DPYD: variants seen among roughly 807,000 people sequenced by gnomAD.
DPYD encodes the protein dihydropyrimidine dehydrogenase [NADP(+)].
In DPYD, 109 loss-of-function variants were observed where a neutral mutation model predicts 116.2. The observed-to-expected ratio is 0.94, with a 90% confidence interval of 0.80 to 1.10. The LOEUF (loss-of-function observed/expected upper bound fraction) is 1.10. DPYD is among the 50% of genes least tolerant of loss of function. DPYD has a pLI of 0.00. For synonymous variants in DPYD, 440 were observed against 432.0 expected, an observed-to-expected ratio of 1.02 and a Z score of -0.23; for missense variants, 1,302 against 1,254.5, an observed-to-expected ratio of 1.04 and a Z score of -0.57.
intron 19 of DPYD, among the ~76,000 whole-genome samples, chr1:97,219,722 C>T (rs1191620454): frequency 6.6e-6 from 1 of 152,180 alleles, no homozygotes; most frequent in Non-Finnish European, 1.5e-5. Context: ...GCCTACTGAG[C>T]ATTCACTCCA....
At position 97,549,735 on chromosome 1, in the gene DPYD, G is replaced by T. The variant is rs72975710; in HGVS notation, c.1349C>A (p.Ala450Asp). 3 of 1,613,396 alleles carry T rather than the reference G, an allele frequency of 1.9e-6. No individual in the cohort carries two copies. Among genetic ancestry groups the T allele is most frequent in the African/African-American group, 2.7e-5 (2 of 74,980 alleles). The change falls in exon 12 of 23, where the codon GCC becomes GAC. Residue 450 changes from alanine to aspartate, a missense_variant. Coordinates refer to ENST00000370192, the MANE Select transcript of DPYD (RefSeq NM_000110.4). ...TCTGTTAAATTTTATAGGGCTCAAG[G>T]CTTCTTTTACTGAAAAAACAAGTGA... ...SVLSDPKVKEALSPIKFNRWG... is the reference protein window; with the variant it reads ...SVLSDPKVKEDLSPIKFNRWG...
At chr1:97,551,168 C>T (rs113240638) in intron 11 of DPYD, among the ~76,000 whole-genome samples, 2,263 of 152,218 alleles carry the variant, frequency 0.015, 58 homozygotes, top group African/African-American at 0.051. Flanking sequence ...AAATCTTCTA[C>T]TGTTTCTATT....
chr1:97,303,722 C>CT (rs1666992663), intron 18 of DPYD, among the ~76,000 whole-genome samples: 1 of 151,956 alleles, frequency 6.6e-6, no homozygotes, highest in South Asian at 2.1e-4. Flanking sequence ...AATATAGAAC[C>CT]TATTAGAAAT....
chr1:97,227,189 G>GT (rs1661228855), intron 19 of DPYD, among the ~76,000 whole-genome samples: 1 of 151,726 alleles, frequency 6.6e-6, no homozygotes, highest in Admixed American at 6.6e-5. Flanking sequence ...GCTGGATGTG[G>GT]TGGCACGCAC....
rs140753214 is a variant in DPYD, at chr1:97,542,270, G to A, written c.1524+7290C>T. Among the ~76,000 whole-genome samples, 13 of 152,230 alleles carry A rather than the reference G, an allele frequency of 8.5e-5. No individual in the cohort carries two copies. The East Asian group carries it at 2.1e-3, about 25-fold the overall frequency. ...TTTGGTGAAATAAAAAGGAGTTGCT[G>A]CACAGTGCAAAACTTATGGACCAAA... is the stretch of plus-strand genomic sequence containing the variant. On this transcript the variant is annotated intron_variant, in intron 12 of 22. Transcript: ENST00000370192.
rs1033604903 is a variant in DPYD, at chr1:97,141,365, C to A, written c.2623-42733G>T. Among the ~76,000 whole-genome samples the A allele has an allele frequency of 1.5e-4, 23 of 152,090 alleles. 1 individual carries two copies. In the East Asian group the frequency reaches 3.1e-3, roughly 20 times the overall value. ...CCCTGACTTTGTCTCTTATTACTCC[C>A]CCTATCTACTCTACTCCAGACACCC... On this transcript the variant is annotated intron_variant, in intron 20 of 22. Coordinates refer to ENST00000370192, the MANE Select transcript of DPYD (RefSeq NM_000110.4).
In DPYD at chr1:97,186,184, A is replaced by G. The variant is rs184848088; in HGVS notation, c.2622+6885T>C. On this transcript the variant is annotated intron_variant, in intron 20 of 22. Transcript: ENST00000370192. ...AAAAAATAGATAATTAGACATCTAC[A>G]TATAATATTACCACAACCAAATAGC... 5.3e-5 allele frequency among the ~76,000 whole-genome samples: 8 copies of G among 152,324 alleles called. 1 individual carries two copies. The highest frequency in any genetic ancestry group is 3.9e-4 in the Admixed American group (6 of 15,300).
At chr1:97,480,268 G>A (rs1002562295) in intron 13 of DPYD, among the ~76,000 whole-genome samples, 2 of 152,100 alleles carry the variant, frequency 1.3e-5, no homozygotes, top group African/African-American at 2.4e-5. Context: ...ATGCCACATG[G>A]AGAGTGGCAT....
intron 8 of DPYD, among the ~76,000 whole-genome samples, chr1:97,618,292 C>CA (rs71801601): frequency 5.3e-5 from 8 of 149,794 alleles, no homozygotes; most frequent in South Asian, 2.1e-4. Flanking sequence ...CAGAAATTGA[C>CA]AAAAAAAATC....
At chr1:97,614,288 T>G (rs1181578280) in intron 8 of DPYD, among the ~76,000 whole-genome samples, 1 of 152,078 alleles carries the variant, frequency 6.6e-6, no homozygotes, top group Non-Finnish European at 1.5e-5. Flanking sequence ...GTTAGAGACT[T>G]GAGCTAGAAG....
rs1672326548 is a variant in DPYD, at chr1:97,883,400, A to C, written c.40-26T>G. 3 of 1,392,538 alleles carry C rather than the reference A, an allele frequency of 2.2e-6. No homozygotes were observed. The African/African-American group carries it at 4.2e-5, about 20-fold the overall frequency. 86.3% of individuals were successfully genotyped at this position (1,392,538 alleles called of 1,614,324 possible). A position where few individuals can be genotyped will look rare whatever the true frequency, so the allele number is the denominator to read the frequency against. Reference sequence around the variant, plus strand: ...CTAAAGACAGCATAAACAATGTGTAAATATATGGAAATATGTTGGCATTTG... The same window carrying C: ...CTAAAGACAGCATAAACAATGTGTACATATATGGAAATATGTTGGCATTTG... On this transcript the variant is annotated intron_variant, in intron 1 of 22. Transcript: ENST00000370192.
chr1:97,619,892 A>T (rs2100767860), intron 8 of DPYD, among the ~76,000 whole-genome samples: 2 of 152,316 alleles, frequency 1.3e-5, no homozygotes, highest in African/African-American at 4.8e-5. Flanking sequence ...GTTGAAAAAT[A>T]GATTTGAGGA....
At chr1:97,487,075 C>T (rs965123362) in intron 13 of DPYD, among the ~76,000 whole-genome samples, 2 of 151,924 alleles carry the variant, frequency 1.3e-5, no homozygotes, top group Admixed American at 1.3e-4. Flanking sequence ...AAATAAAATG[C>T]TAAAACGATT....
At chr1:97,760,468 A>G (rs1360215646) in intron 3 of DPYD, among the ~76,000 whole-genome samples, 1 of 152,186 alleles carries the variant, frequency 6.6e-6, no homozygotes, top group Non-Finnish European at 1.5e-5. Flanking sequence ...ATTTTAAGAT[A>G]CAGTATAGCT....
In DPYD at chr1:97,549,455, C is replaced by T. The variant is rs1651149040; in HGVS notation, c.1524+105G>A. 5.0e-6 allele frequency: 6 copies of T among 1,201,264 alleles called. 1 individual carries two copies. The highest frequency in any genetic ancestry group is 7.3e-6 in the Non-Finnish European group (6 of 819,030). 74.4% of individuals were successfully genotyped at this position (1,201,264 alleles called of 1,614,324 possible). A position where few individuals can be genotyped will look rare whatever the true frequency, so the allele number is the denominator to read the frequency against. On this transcript the variant is annotated intron_variant, in intron 12 of 22. Coordinates refer to ENST00000370192, the MANE Select transcript of DPYD (RefSeq NM_000110.4). ...ATGTACGTGACATATTGTATATATG[C>T]TTATTATATACCAAATAGAAATGCT...
chr1:97,156,533 C>T (rs1655472352), intron 20 of DPYD, among the ~76,000 whole-genome samples: 1 of 151,966 alleles, frequency 6.6e-6, no homozygotes, highest in Admixed American at 6.6e-5. Context: ...CCATCACTGG[C>T]CATCGGAGAA....
intron 18 of DPYD, among the ~76,000 whole-genome samples, chr1:97,278,530 A>C (rs1158866298): frequency 6.6e-6 from 1 of 152,242 alleles, no homozygotes; most frequent in Non-Finnish European, 1.5e-5. Context: ...AGATTTAAAA[A>C]GTCACAGATC....
intron 8 of DPYD, among the ~76,000 whole-genome samples, chr1:97,636,980 T>C (rs113972207): frequency 6.6e-6 from 1 of 151,876 alleles, no homozygotes; most frequent in African/African-American, 2.4e-5. Context: ...GTCCCCAGAG[T>C]TGGTATAAGA....
At chr1:97,180,388 G>A (rs946929231) in intron 20 of DPYD, among the ~76,000 whole-genome samples, 3 of 152,008 alleles carry the variant, frequency 2.0e-5, no homozygotes, top group Non-Finnish European at 4.4e-5. Flanking sequence ...AGAGTATCAG[G>A]GGCATAGCTC....
Sources: allele counts gnomAD v4.1 joint callset (sites outside exome capture counted in the v4.1 genomes callset), GRCh38; gene constraint gnomAD v4.1.1; transcripts MANE v1.5; gene names NCBI Gene and HGNC (gene_info 2026-07-23, HGNC 2026-07-21).